Variants in TCEA1 observed in about 807,000 individuals in gnomAD.
TCEA1 encodes the protein transcription elongation factor A protein 1.
A neutral mutation model predicts 43.8 loss-of-function variants in TCEA1; 21 were observed. The ratio of observed to expected loss-of-function variants is 0.48; its 90% CI spans 0.34 to 0.69. TCEA1 has a LOEUF of 0.69. Ranked by LOEUF, TCEA1 falls within the 30% of genes least tolerant of loss-of-function variation. The probability of loss-of-function intolerance (pLI) is 0.01; values close to 1 mark genes in which losing one functional copy is unlikely to be tolerated. For synonymous variants in TCEA1, 104 were observed against 117.5 expected (o/e 0.88, Z 0.75); for missense variants, 250 against 365.1 (o/e 0.68, Z 2.57).
intron 8 of TCEA1, among the ~76,000 whole-genome samples, chr8:53,974,532 T>TG: frequency 3.4e-4 from 1 of 2,956 alleles, no homozygotes. Context: ...GTAGTGGGGG[T>TG]GGGGGTGGGG....
chr8:54,003,182 A>G (rs1423689482), intron 2 of TCEA1: 1 of 396,060 alleles, frequency 2.5e-6, no homozygotes, highest in Admixed American at 3.3e-5. Flanking sequence ...TAAAAGAAAC[A>G]CACAGCTACT....
intron 1 of TCEA1, 161 bp downstream of exon 1, chr8:54,021,902 C>A (rs940200535): frequency 5.9e-5 from 33 of 562,336 alleles, no homozygotes; most frequent in African/African-American, 1.0e-4. Context: ...GACCCGACGC[C>A]CCGGGCCCGG....
intron 8 of TCEA1, chr8:53,971,644 T>C (rs1803160155): frequency 6.0e-6 from 1 of 165,674 alleles, no homozygotes; most frequent in Non-Finnish European, 1.3e-5. Context: ...ATGCTGTGGA[T>C]AAGAGGGTAC....
At chr8:54,017,278 T>C (rs1273516272) in intron 1 of TCEA1, among the ~76,000 whole-genome samples, 1 of 152,174 alleles carries the variant, frequency 6.6e-6, no homozygotes, top group Non-Finnish European at 1.5e-5. Context: ...AATTAACAGT[T>C]GACCCTCAAA....
At chr8:53,989,221 G>C (rs1803792720) in intron 4 of TCEA1, among the ~76,000 whole-genome samples, 1 of 152,168 alleles carries the variant, frequency 6.6e-6, no homozygotes, top group Non-Finnish European at 1.5e-5. Context: ...GAACATTTAG[G>C]CAGTTTTATA....
In TCEA1 at chr8:53,995,884, C is replaced by T. The variant is rs76508215; in HGVS notation, c.233-2129G>A. On this transcript the variant is annotated intron_variant, in intron 3 of 9. Coordinates refer to ENST00000521604, the MANE Select transcript of TCEA1 (RefSeq NM_006756.4). ...TGTCAAACCTAAAACACAATTCAAG[C>T]CCTCTGATAAAACACGCACATACAC... 1.2e-3 allele frequency among the ~76,000 whole-genome samples: 179 copies of T among 152,284 alleles called. 1 individual carries two copies. The East Asian group carries it at 0.033, about 28-fold the overall frequency.
intron 6 of TCEA1, among the ~76,000 whole-genome samples, chr8:53,985,896 T>C (rs1307311391): frequency 6.6e-6 from 1 of 152,152 alleles, no homozygotes; most frequent in Non-Finnish European, 1.5e-5. Flanking sequence ...GACACTACAG[T>C]CTCAATCTAC....
At chr8:54,002,244 G>A (rs948604024) in intron 2 of TCEA1, among the ~76,000 whole-genome samples, 1 of 151,790 alleles carries the variant, frequency 6.6e-6, no homozygotes, top group Admixed American at 6.6e-5. Context: ...GGCCGAGGTG[G>A]GTGGATCACG....
intron 2 of TCEA1, among the ~76,000 whole-genome samples, chr8:54,009,199 GA>G (rs1388424234): frequency 2.0e-5 from 3 of 151,432 alleles, no homozygotes; most frequent in African/African-American, 7.3e-5. Flanking sequence ...TGAAGGTGCA[GA>G]AAAAAGGGAA....
intron 3 of TCEA1, among the ~76,000 whole-genome samples, chr8:53,997,896 G>C (rs1161125356): frequency 6.6e-6 from 1 of 152,208 alleles, no homozygotes; most frequent in Middle Eastern, 3.2e-3. Flanking sequence ...TGGTGGGAAA[G>C]GGGGTGGATA....
chr8:54,021,474 C>A (rs1283217522), intron 1 of TCEA1: 2 of 152,348 alleles, frequency 1.3e-5, no homozygotes, highest in South Asian at 2.1e-4. Context: ...CAGGACAAAA[C>A]CCGCTTTTTA....
At chr8:53,993,127 ATTTTTTTTTTTT>A (rs11306062) in intron 4 of TCEA1, among the ~76,000 whole-genome samples, 1 of 84,190 alleles carries the variant, frequency 1.2e-5, no homozygotes, top group Admixed American at 1.5e-4. Flanking sequence ...TACATGGCTA[ATTTTTTTTTTTT>A]TTTTTTTTTT....
At chr8:54,014,900 C>T (rs887499664) in intron 1 of TCEA1, among the ~76,000 whole-genome samples, 3 of 152,084 alleles carry the variant, frequency 2.0e-5, no homozygotes, top group African/African-American at 7.2e-5. Context: ...CATAACACAC[C>T]AACCTTGAGT....
At chr8:54,010,043 G>GA (rs1159554987) in intron 2 of TCEA1, 79 of 183,748 alleles carry the variant, frequency 4.3e-4, no homozygotes, top group South Asian at 7.8e-4. Context: ...AAAAAAAAAA[G>GA]AAAAAAAAAG....
intron 4 of TCEA1, among the ~76,000 whole-genome samples, chr8:53,991,675 C>T (rs1169842130): frequency 6.6e-6 from 1 of 151,390 alleles, no homozygotes; most frequent in Non-Finnish European, 1.5e-5. Flanking sequence ...GCCTGGGCAA[C>T]AAGAGTGAAA....
chr8:53,972,398 T>C (rs763495216), intron 8 of TCEA1: 18 of 551,606 alleles, frequency 3.3e-5, no homozygotes, highest in Non-Finnish European at 5.5e-5. Context: ...AAACTAGTTC[T>C]GAAAATGAAG....
chr8:54,000,604 C>T (rs1238554687), intron 2 of TCEA1, among the ~76,000 whole-genome samples: 2 of 152,142 alleles, frequency 1.3e-5, no homozygotes, highest in South Asian at 2.1e-4. Flanking sequence ...GTGATAATTA[C>T]GTGCCTAGAA....
chr8:54,005,609 T>A (rs1485601383), intron 2 of TCEA1, among the ~76,000 whole-genome samples: 1 of 140,774 alleles, frequency 7.1e-6, no homozygotes, highest in African/African-American at 2.5e-5. Flanking sequence ...AAAATCTCAG[T>A]CATCCTAAAT....
At chr8:53,976,334 G>T (rs1803332079) in intron 8 of TCEA1, among the ~76,000 whole-genome samples, 1 of 152,174 alleles carries the variant, frequency 6.6e-6, no homozygotes, top group South Asian at 2.1e-4. Flanking sequence ...GATGAAAATG[G>T]TTTGAAAACT....
Sources: gnomAD v4.1 joint callset for allele counts (sites outside exome capture counted in the v4.1 genomes callset) on GRCh38, gnomAD v4.1.1 for gene constraint, MANE v1.5 for transcripts, NCBI Gene and HGNC (gene_info 2026-07-23, HGNC 2026-07-21) for gene names.